SRRM3: variants seen among roughly 807,000 people sequenced by gnomAD.
The protein encoded by SRRM3 is serine/arginine repetitive matrix 3.
A neutral mutation model predicts 66.2 loss-of-function variants in SRRM3; 27 were observed. The ratio of observed to expected loss-of-function variants is 0.41; its 90% CI spans 0.30 to 0.56. The LOEUF (loss-of-function observed/expected upper bound fraction) is 0.56, where lower values mean the gene tolerates loss of function less well. Ranked by LOEUF, SRRM3 falls within the 20% of genes least tolerant of loss-of-function variation. The pLI is 0.32. For missense variants in SRRM3, 918 were observed against 991.9 expected (o/e 0.93, Z 1.00); for synonymous variants, 391 against 414.9 (o/e 0.94, Z 0.70).
chr7:76,232,751 C>T (rs1379583278), intron 1 of SRRM3, among the ~76,000 whole-genome samples: 2 of 151,912 alleles, frequency 1.3e-5, no homozygotes, highest in African/African-American at 4.8e-5. Flanking sequence ...GTGGTGGAGA[C>T]GGGGCTGGAC....
At chr7:76,284,180 T>TC (rs1222886086) in intron 14 of SRRM3, among the ~76,000 whole-genome samples, 12 of 151,586 alleles carry the variant, frequency 7.9e-5, no homozygotes, top group African/African-American at 2.9e-4. Context: ...TTCTTTTTTT[T>TC]TTTTTTTTTT....
chr7:76,211,819 T>TAC (rs1800438057), intron 1 of SRRM3, among the ~76,000 whole-genome samples: 1 of 91,518 alleles, frequency 1.1e-5, no homozygotes, highest in African/African-American at 7.8e-5. Context: ...ATTACTACTA[T>TAC]TATTATTATT....
intron 1 of SRRM3, among the ~76,000 whole-genome samples, chr7:76,212,850 G>T (rs1389609343): frequency 6.6e-6 from 1 of 151,928 alleles, no homozygotes; most frequent in Non-Finnish European, 1.5e-5. Flanking sequence ...TGCACATGTG[G>T]TTCCCTTCGC....
At chr7:76,269,608 AC>A in intron 11 of SRRM3, 1 of 152,226 alleles carries the variant, frequency 6.6e-6, no homozygotes, top group East Asian at 1.9e-4. Flanking sequence ...ACATTTTTTA[AC>A]CCCGTCTATG....
chr7:76,213,725 A>G (rs574869733), intron 1 of SRRM3, among the ~76,000 whole-genome samples: 1 of 151,970 alleles, frequency 6.6e-6, no homozygotes, highest in East Asian at 1.9e-4. Context: ...CTTGGTGTGG[A>G]TGGGAAGTGG....
intron 9 of SRRM3, 72 bp downstream of exon 9, chr7:76,264,887 A>G: frequency 6.6e-7 from 1 of 1,506,096 alleles, no homozygotes; most frequent in South Asian, 1.2e-5. Context: ...GCCTTTTAGA[A>G]TCACAGAATC....
At chr7:76,228,062 G>GAGTCAGACACT (rs1554603885) in intron 1 of SRRM3, among the ~76,000 whole-genome samples, 1 of 152,058 alleles carries the variant, frequency 6.6e-6, no homozygotes, top group Non-Finnish European at 1.5e-5. Context: ...TAGAGACAGT[G>GAGTCAGACACT]TCTGACTATA....
intron 1 of SRRM3, among the ~76,000 whole-genome samples, chr7:76,233,550 G>A (rs143210936): frequency 2.0e-5 from 3 of 152,280 alleles, no homozygotes; most frequent in African/African-American, 7.2e-5. Context: ...AAAACCCCTG[G>A]TGGAACTGGG....
chr7:76,286,107 G>A lies in SRRM3; in HGVS notation c.*264G>A, dbSNP rs781882740. 8 of 554,868 alleles carry A rather than the reference G, an allele frequency of 1.4e-5. No individual in the cohort carries two copies. The highest frequency in any genetic ancestry group is 5.7e-5 in the African/African-American group (3 of 52,652). The allele number at this position is 554,868 out of a possible 1,614,324, so 34.4% of individuals were successfully genotyped here. A position where few individuals can be genotyped will look rare whatever the true frequency, so the allele number is the denominator to read the frequency against. On this transcript the variant is annotated 3_prime_UTR_variant, in exon 15 of 15. Transcript: ENST00000611745. ...TGCCCGGGGAACAAAGAGCCGTTAC[G>A]AACACAGGAATCTCCCCATCCCCCT... is the stretch of plus-strand genomic sequence containing the variant.
intron 1 of SRRM3, among the ~76,000 whole-genome samples, chr7:76,225,491 C>G (rs1386805522): frequency 3.4e-5 from 5 of 149,026 alleles, no homozygotes; most frequent in African/African-American, 9.8e-5. Flanking sequence ...GCCCCTTTCC[C>G]CGGCAAAAGA....
intron 1 of SRRM3, among the ~76,000 whole-genome samples, chr7:76,230,370 C>A (rs1800984079): frequency 6.6e-6 from 1 of 152,082 alleles, no homozygotes; most frequent in Non-Finnish European, 1.5e-5. Context: ...CACAGTGAGG[C>A]CAGGCGCAGT....
At chr7:76,284,257 C>T (rs926997690) in intron 14 of SRRM3, among the ~76,000 whole-genome samples, 1 of 151,748 alleles carries the variant, frequency 6.6e-6, no homozygotes, top group Non-Finnish European at 1.5e-5. Context: ...TCACTGCAAC[C>T]TCCACCTCCC....
At chr7:76,208,558 G>C (rs1316044507) in intron 1 of SRRM3, among the ~76,000 whole-genome samples, 2 of 151,998 alleles carry the variant, frequency 1.3e-5, no homozygotes, top group Non-Finnish European at 2.9e-5. Flanking sequence ...AATTAAGCCA[G>C]GCACGGTGGC....
At chr7:76,215,569 T>C (rs1369096241) in intron 1 of SRRM3, among the ~76,000 whole-genome samples, 1 of 150,814 alleles carries the variant, frequency 6.6e-6, no homozygotes, top group Non-Finnish European at 1.5e-5. Flanking sequence ...ACTGGCTAAT[T>C]TTTTTATTAT....
At chr7:76,235,448 G>C in intron 2 of SRRM3, 149 bp downstream of exon 2, 1 of 738,654 alleles carries the variant, frequency 1.4e-6, no homozygotes, top group South Asian at 2.0e-5. Context: ...GGGCGACTGT[G>C]GGAACCCAAG....
intron 2 of SRRM3, among the ~76,000 whole-genome samples, chr7:76,246,477 T>A (rs1219095660): frequency 6.6e-5 from 10 of 151,918 alleles, no homozygotes; most frequent in Admixed American, 6.6e-4. Context: ...GGCAGGAGAA[T>A]CACTTGAACC....
At chr7:76,203,888 G>A (rs893670011) in intron 1 of SRRM3, among the ~76,000 whole-genome samples, 2 of 151,954 alleles carry the variant, frequency 1.3e-5, no homozygotes, top group Non-Finnish European at 2.9e-5. Context: ...GGAGCCTGAG[G>A]CAGGTGGGTG....
chr7:76,265,559 ACAGAATGTCAATT>A, intron 10 of SRRM3, 91 bp downstream of exon 10: 1 of 1,006,822 alleles, frequency 9.9e-7, no homozygotes. Flanking sequence ...GGGCTGGTGG[ACAGAATGTCAATT>A]CATCGGTGGG....
chr7:76,202,677 AC>A (rs567160849), intron 1 of SRRM3, among the ~76,000 whole-genome samples: 5 of 151,708 alleles, frequency 3.3e-5, no homozygotes, highest in Admixed American at 6.6e-5. Context: ...CTCTGTGCAC[AC>A]CCCCCACCCC....
Sources: gnomAD v4.1 joint callset for allele counts (sites outside exome capture counted in the v4.1 genomes callset) on GRCh38, gnomAD v4.1.1 for gene constraint, MANE v1.5 for transcripts, NCBI Gene and HGNC (gene_info 2026-07-23, HGNC 2026-07-21) for gene names.